Variants in VEPH1 observed in about 807,000 individuals in gnomAD.
VEPH1 encodes ventricular zone-expressed PH domain-containing protein homolog 1.
VEPH1 carries 80 observed loss-of-function variants against 85.2 expected under a neutral mutation model. The ratio of observed to expected loss-of-function variants is 0.94; its 90% confidence interval spans 0.78 to 1.13. VEPH1 has a LOEUF of 1.13. VEPH1 is among the 50% of genes most tolerant of loss of function. The pLI is 0.00. For synonymous variants in VEPH1, 297 were observed against 348.0 expected (o/e 0.85, Z 1.63); for missense variants, 955 against 980.5 (o/e 0.97, Z 0.35).
chr3:157,369,229 A>T (rs974168232), intron 7 of VEPH1, among the ~76,000 whole-genome samples: 1 of 138,616 alleles, frequency 7.2e-6, no homozygotes, highest in Non-Finnish European at 1.5e-5. Context: ...CCAGATGCCC[A>T]TGAGAGACTG....
At chr3:157,378,115 A>G (rs914043937) in intron 7 of VEPH1, among the ~76,000 whole-genome samples, 2 of 151,956 alleles carry the variant, frequency 1.3e-5, no homozygotes, top group African/African-American at 2.4e-5. Context: ...GGCTCCCTCA[A>G]ATACCAGCTG....
Position 157,394,521 on chromosome 3 carries a change from G to A in VEPH1, c.907-13145C>T, listed in dbSNP as rs1390418813. Among the ~76,000 whole-genome samples the A allele has an allele frequency of 1.4e-4, 22 of 152,168 alleles. 2 individuals carry two copies. Among genetic ancestry groups the A allele is most frequent in the Admixed American group, 1.4e-3 (22 of 15,284 alleles). On this transcript the variant is annotated intron_variant, in intron 6 of 13. Coordinates refer to ENST00000362010, the MANE Select transcript of VEPH1 (RefSeq NM_001167912.2). ...TGCTATAAAGAATACTCGAGACTGGGTAATTTATAAGAGGTTTAATTGGTT... is the reference window on the plus strand; with the variant it reads ...TGCTATAAAGAATACTCGAGACTGGATAATTTATAAGAGGTTTAATTGGTT...
intron 9 of VEPH1, among the ~76,000 whole-genome samples, chr3:157,358,553 G>A (rs2098173891): frequency 6.6e-6 from 1 of 152,114 alleles, no homozygotes; most frequent in Non-Finnish European, 1.5e-5. Context: ...TTAAGTGGAT[G>A]GGCGTAATCA....
chr3:157,499,251 AGTT>A (rs1739908791), intron 1 of VEPH1: 1 of 106,512 alleles, frequency 9.4e-6, no homozygotes, highest in Admixed American at 1.1e-4. Context: ...CTCATTATTT[AGTT>A]TTTTTTTTTT....
At chr3:157,388,514 C>T (rs148509600) in intron 6 of VEPH1, among the ~76,000 whole-genome samples, 4 of 152,192 alleles carry the variant, frequency 2.6e-5, no homozygotes, top group African/African-American at 7.2e-5. Flanking sequence ...GACAGTTGAC[C>T]ACCCTCCTCT....
intron 6 of VEPH1, chr3:157,409,782 G>A (rs1731402631): frequency 1.0e-6 from 1 of 985,228 alleles, no homozygotes; most frequent in South Asian, 4.7e-5. Context: ...CACAGAAGGT[G>A]AGGCATAAGC....
intron 9 of VEPH1, among the ~76,000 whole-genome samples, chr3:157,345,409 G>C (rs1383902208): frequency 1.3e-5 from 2 of 152,204 alleles, no homozygotes; most frequent in African/African-American, 4.8e-5. Context: ...CATTTATGTA[G>C]CCAACAGACA....
At chr3:157,339,146 C>T (rs949711910) in intron 9 of VEPH1, among the ~76,000 whole-genome samples, 1 of 152,174 alleles carries the variant, frequency 6.6e-6, no homozygotes, top group East Asian at 1.9e-4. Context: ...GTTATTTAAG[C>T]CAGACTCCTA....
At chr3:157,272,375 T>C (rs577365114) in intron 12 of VEPH1, among the ~76,000 whole-genome samples, 1,857 of 95,016 alleles carry the variant, frequency 0.02, 74 homozygotes, top group African/African-American at 0.068. Flanking sequence ...TTTCTCTTTC[T>C]TTTCTTTCTT....
intron 11 of VEPH1, among the ~76,000 whole-genome samples, chr3:157,297,600 TAAG>T (rs1718291921): frequency 6.6e-6 from 1 of 151,858 alleles, no homozygotes; most frequent in South Asian, 2.1e-4. Context: ...TTGTGGTAGA[TAAG>T]AAGCAGAGAG....
intron 2 of VEPH1, among the ~76,000 whole-genome samples, chr3:157,486,011 G>A (rs1325028873): frequency 6.6e-6 from 1 of 152,030 alleles, no homozygotes; most frequent in Non-Finnish European, 1.5e-5. Flanking sequence ...AAATTATAAT[G>A]GAAAATGTAA....
intron 11 of VEPH1, among the ~76,000 whole-genome samples, chr3:157,287,195 A>G (rs1014531669): frequency 6.6e-6 from 1 of 152,086 alleles, no homozygotes; most frequent in Non-Finnish European, 1.5e-5. Flanking sequence ...CAACATGGCA[A>G]AACCTCGTCT....
intron 9 of VEPH1, among the ~76,000 whole-genome samples, chr3:157,357,132 G>C (rs533082517): frequency 6.6e-6 from 1 of 152,200 alleles, no homozygotes; most frequent in African/African-American, 2.4e-5. Flanking sequence ...TTTTAATGTG[G>C]TGACTTTTAG....
At chr3:157,492,037 T>C (rs1739254194) in intron 2 of VEPH1, among the ~76,000 whole-genome samples, 1 of 152,052 alleles carries the variant, frequency 6.6e-6, no homozygotes, top group African/African-American at 2.4e-5. Context: ...AAGCCTTCTC[T>C]AACAATGCAG....
chr3:157,401,146 G>A (rs1036874484), intron 6 of VEPH1, among the ~76,000 whole-genome samples: 3 of 152,120 alleles, frequency 2.0e-5, no homozygotes, highest in African/African-American at 7.2e-5. Context: ...TAAATGAGGT[G>A]CAATCTCCGA....
At chr3:157,285,986 A>G (rs894858923) in intron 12 of VEPH1, among the ~76,000 whole-genome samples, 2 of 152,256 alleles carry the variant, frequency 1.3e-5, no homozygotes, top group African/African-American at 4.8e-5. Context: ...TGTTTAGCAC[A>G]GGGCATGACT....
chr3:157,481,464 A>ACC (rs1738061104), intron 2 of VEPH1, among the ~76,000 whole-genome samples: 1 of 89,686 alleles, frequency 1.1e-5, no homozygotes, highest in Non-Finnish European at 2.1e-5. Context: ...ACACACACAC[A>ACC]CAAAAAAAAA....
intron 12 of VEPH1, among the ~76,000 whole-genome samples, chr3:157,269,189 A>G (rs1403103): frequency 0.4 from 60,847 of 152,016 alleles, 12,644 homozygotes; most frequent in East Asian, 0.58. Flanking sequence ...GGCAGATCCA[A>G]ATGTTTCACT....
chr3:157,350,772 G>A (rs1724781711), intron 9 of VEPH1, among the ~76,000 whole-genome samples: 1 of 152,110 alleles, frequency 6.6e-6, no homozygotes, highest in African/African-American at 2.4e-5. Context: ...ATGAAAAAAT[G>A]TTCAACATCA....
Sources: allele counts gnomAD v4.1 joint callset (sites outside exome capture counted in the v4.1 genomes callset), GRCh38; gene constraint gnomAD v4.1.1; transcripts MANE v1.5; gene names NCBI Gene and HGNC (gene_info 2026-07-23, HGNC 2026-07-21).